The following LRRFIP1 variants were observed in gnomAD, a reference collection of about 807,000 sequenced individuals.
The protein encoded by LRRFIP1 is leucine-rich repeat flightless-interacting protein 1.
A neutral mutation model predicts 104.4 loss-of-function variants in LRRFIP1; 62 were observed. That is an observed-to-expected ratio of 0.59 (90% CI 0.48 to 0.73). The LOEUF (loss-of-function observed/expected upper bound fraction) is 0.73, where lower values mean the gene tolerates loss of function less well. Ranked by LOEUF, LRRFIP1 falls within the 30% of genes least tolerant of loss-of-function variation. The pLI is 0.00. For missense variants in LRRFIP1, 796 were observed against 824.5 expected (o/e 0.97, Z 0.42); for synonymous variants, 300 against 299.0 (o/e 1.00, Z -0.03).
At chr2:237,674,158 G>A (rs1426317424) in intron 1 of LRRFIP1, among the ~76,000 whole-genome samples, 1 of 152,168 alleles carries the variant, frequency 6.6e-6, no homozygotes, top group Admixed American at 6.5e-5. Context: ...GGGCTTCCAG[G>A]AAGAGGTGTC....
At chr2:237,720,083 A>G (rs1187868608) in intron 5 of LRRFIP1, among the ~76,000 whole-genome samples, 1 of 150,910 alleles carries the variant, frequency 6.6e-6, no homozygotes, top group Non-Finnish European at 1.5e-5. Flanking sequence ...AGTAGCTGGG[A>G]CTACAGGCGC....
At chr2:237,643,692 G>C (rs187878897) in intron 1 of LRRFIP1, among the ~76,000 whole-genome samples, 2 of 152,286 alleles carry the variant, frequency 1.3e-5, no homozygotes, top group African/African-American at 4.8e-5. Context: ...GATCACTAGC[G>C]TTTAGTGGCA....
chr2:237,663,426 T>A (rs1043232341), intron 1 of LRRFIP1, among the ~76,000 whole-genome samples: 2 of 49,644 alleles, frequency 4.0e-5, no homozygotes, highest in Non-Finnish European at 9.7e-5. Context: ...CGGGGAGTTC[T>A]TTCCCCCCCC....
intron 1 of LRRFIP1, among the ~76,000 whole-genome samples, chr2:237,664,930 G>A (rs1024789506): frequency 3.9e-5 from 6 of 152,196 alleles, no homozygotes; most frequent in Non-Finnish European, 7.3e-5. Flanking sequence ...TGACAGCCAA[G>A]AATTTCCATT....
chr2:237,670,827 C>A (rs544305096), intron 1 of LRRFIP1, among the ~76,000 whole-genome samples: 1 of 152,212 alleles, frequency 6.6e-6, no homozygotes, highest in Non-Finnish European at 1.5e-5. Context: ...GGGGCCGTTA[C>A]GAGAAGCAAG....
chr2:237,745,679 G>T (rs1321949597), intron 11 of LRRFIP1, among the ~76,000 whole-genome samples: 1 of 152,162 alleles, frequency 6.6e-6, no homozygotes, highest in Non-Finnish European at 1.5e-5. Flanking sequence ...AAAAGGGCTT[G>T]GGTGGGCCCT....
At position 237,779,589 on chromosome 2, in the gene LRRFIP1, T is replaced by C; in HGVS notation, c.*57T>C. 1 of 1,462,836 alleles carries C rather than the reference T, an allele frequency of 6.8e-7. No homozygotes were observed. Among genetic ancestry groups the C allele is most frequent in the African/African-American group, 1.4e-5 (1 of 71,742 alleles). 90.6% of individuals were successfully genotyped at this position (1,462,836 alleles called of 1,614,324 possible). A position where few individuals can be genotyped will look rare whatever the true frequency, so the allele number is the denominator to read the frequency against. ...ACTGGAGAGCATTGTTTCATAGGCTTTTCTCTGTCCTATCTGGGAGCGCTG... is the reference window on the plus strand; with the variant it reads ...ACTGGAGAGCATTGTTTCATAGGCTCTTCTCTGTCCTATCTGGGAGCGCTG... On this transcript the variant is annotated 3_prime_UTR_variant, in exon 24 of 24. Coordinates refer to ENST00000308482, the MANE Select transcript of LRRFIP1 (RefSeq NM_001137550.2).
At chr2:237,745,601 C>A (rs751124009) in intron 11 of LRRFIP1, among the ~76,000 whole-genome samples, 2 of 152,178 alleles carry the variant, frequency 1.3e-5, no homozygotes, top group South Asian at 2.1e-4. Flanking sequence ...CCTGCCCCCC[C>A]AAAATCAAGG....
At chr2:237,657,873 A>T (rs973030880) in intron 1 of LRRFIP1, among the ~76,000 whole-genome samples, 1 of 152,248 alleles carries the variant, frequency 6.6e-6, no homozygotes, top group African/African-American at 2.4e-5. Flanking sequence ...CTCAAGCCAC[A>T]GCCCATATGA....
At chr2:237,752,029 G>A (rs1310585569) in intron 14 of LRRFIP1, among the ~76,000 whole-genome samples, 2 of 152,254 alleles carry the variant, frequency 1.3e-5, no homozygotes, top group Non-Finnish European at 1.5e-5. Context: ...AGGTGACATC[G>A]ATCATGACTA....
intron 1 of LRRFIP1, chr2:237,692,643 G>T (rs2092891038): frequency 1.0e-5 from 13 of 1,274,334 alleles, no homozygotes; most frequent in Non-Finnish European, 9.2e-6. Context: ...GGGCTCTGGC[G>T]GGACCCCAGC....
At chr2:237,734,273 C>CTTTT (rs71870330) in intron 9 of LRRFIP1, among the ~76,000 whole-genome samples, 2,101 of 90,168 alleles carry the variant, frequency 0.023, 91 homozygotes, top group African/African-American at 0.047. Flanking sequence ...TGTTAATAAC[C>CTTTT]TTTTTTTTTT....
At chr2:237,756,306 A>G in intron 16 of LRRFIP1, 119 bp downstream of exon 16, 1 of 674,638 alleles carries the variant, frequency 1.5e-6, no homozygotes, top group Non-Finnish European at 2.4e-6. Context: ...GGCTTAAACA[A>G]CAGAAATTAA....
Position 237,720,805 on chromosome 2 carries a change from A to G in LRRFIP1, c.328A>G (p.Ser110Gly). 2 of 1,614,110 alleles carry G rather than the reference A, an allele frequency of 1.2e-6. 1 individual carries two copies. The highest frequency in any genetic ancestry group is 2.2e-5 in the South Asian group (2 of 91,078). The part of the protein sequence containing the change: ...SDEDERMSVG[S>G]RGSLRSQPDL... ...TGAAGACGAGCGCATGTCAGTGGGT[A>G]GTCGTGGAAGCCTGAGGGTCAGTAA... Residue 110 changes from serine to glycine, a missense_variant, in exon 6 of 24, where the codon AGT becomes GGT. Coordinates refer to ENST00000308482, the MANE Select transcript of LRRFIP1 (RefSeq NM_001137550.2).
rs139634723 is a variant in LRRFIP1 at position 237,746,098 on chromosome 2, G to A, written c.634-2266G>A. On this transcript the variant is annotated intron_variant, in intron 11 of 23. Coordinates refer to ENST00000308482, the MANE Select transcript of LRRFIP1 (RefSeq NM_001137550.2). ...TTTTGAGACAGAGTTACACTCTGTC[G>A]CCCAGGCTGGATTGCAGTGGCATGA... is the stretch of plus-strand genomic sequence containing the variant. Among the ~76,000 whole-genome samples the A allele has an allele frequency of 5.6e-3, 815 of 146,280 alleles. 6 individuals carry two copies. Among genetic ancestry groups the A allele is most frequent in the African/African-American group, 0.02 (772 of 39,276 alleles).
In LRRFIP1 at chr2:237,711,860, G is replaced by A. The variant is rs1381169821; in HGVS notation, c.184-2399G>A. Among the ~76,000 whole-genome samples the A allele has an allele frequency of 2.0e-5, 3 of 152,232 alleles. No homozygotes were observed. The highest frequency in any genetic ancestry group is 6.5e-5 in the Admixed American group (1 of 15,282). On this transcript the variant is annotated intron_variant, in intron 2 of 23. Coordinates refer to ENST00000308482, the MANE Select transcript of LRRFIP1 (RefSeq NM_001137550.2). This position sits in a 1 kb window ranked among gnomAD's most constrained non-coding sequence, Gnocchi z 4.4. The stretch of plus-strand genomic sequence containing the variant: ...CAGACAGGAAGCTGCCCTGGGAGAC[G>A]AGAGCCAGACGAGGAAGGGCCAGCC...
At chr2:237,673,340 A>G (rs2090630068) in intron 1 of LRRFIP1, among the ~76,000 whole-genome samples, 1 of 152,118 alleles carries the variant, frequency 6.6e-6, no homozygotes, top group Non-Finnish European at 1.5e-5. Flanking sequence ...CCAGGAAGCC[A>G]TGGTAGGCGC....
At chr2:237,718,162 C>A (rs1367804253) in intron 4 of LRRFIP1, among the ~76,000 whole-genome samples, 1 of 152,260 alleles carries the variant, frequency 6.6e-6, no homozygotes. Flanking sequence ...GCGCCCCTGG[C>A]TTGAGAACTT....
At chr2:237,755,191 G>C (rs183531276) in intron 15 of LRRFIP1, among the ~76,000 whole-genome samples, 2 of 152,318 alleles carry the variant, frequency 1.3e-5, no homozygotes, top group African/African-American at 4.8e-5. Flanking sequence ...CAGCAGAGCC[G>C]AGCTGCCAGC....
Sources: allele counts gnomAD v4.1 joint callset (sites outside exome capture counted in the v4.1 genomes callset), GRCh38; gene constraint gnomAD v4.1.1; non-coding constraint Gnocchi (gnomAD v3.1); transcripts MANE v1.5; gene names NCBI Gene and HGNC (gene_info 2026-07-23, HGNC 2026-07-21).